Variants in IMPA1 observed in about 807,000 individuals in gnomAD.
The protein encoded by IMPA1 is inositol monophosphatase 1.
IMPA1 carries 21 observed loss-of-function variants against 34.9 expected under a neutral mutation model. The ratio of observed to expected loss-of-function variants is 0.60; its 90% CI spans 0.43 to 0.87. The LOEUF is 0.87. IMPA1 is among the 40% of genes least tolerant of loss of function. IMPA1 has a pLI of 0.00. For synonymous variants in IMPA1, 95 were observed against 104.4 expected (o/e 0.91, Z 0.55); for missense variants, 299 against 336.4 (o/e 0.89, Z 0.87).
chr8:81,681,423 A>G, intron 2 of IMPA1, 75 bp downstream of exon 2: 2 of 855,990 alleles, frequency 2.3e-6, no homozygotes, highest in Non-Finnish European at 3.9e-6. Context: ...CGAAACAAAC[A>G]AAACAAGGCA....
rs745955234 is a variant in IMPA1, at chr8:81,680,781, T to A, written c.66A>T (p.Val22=). Residue 22 remains valine (V), a splice_region_variant and synonymous_variant, in exon 3 of 9, where the codon GTA becomes GTT. Coordinates refer to ENST00000256108, the MANE Select transcript of IMPA1 (RefSeq NM_005536.4). The part of the protein sequence containing the change: ...AVTLARQAGE[V]VCEAIKNEMN... ...TTTCATTTTTTATAGCTTCACAAAC[T>A]ACCTAAAAAGAGGTTTTGGTAAGCA... 21 of 1,598,444 alleles carry A rather than the reference T, an allele frequency of 1.3e-5. No homozygotes were observed. In the South Asian group the frequency reaches 2.3e-4, roughly 18 times the overall value.
chr8:81,684,691 G>C (rs1807439925), intron 1 of IMPA1, among the ~76,000 whole-genome samples: 1 of 80,050 alleles, frequency 1.2e-5, no homozygotes, highest in African/African-American at 3.7e-5. Flanking sequence ...ACTATGTGGA[G>C]TATAAATACT....
chr8:81,679,503 C>T (rs1807228400), intron 3 of IMPA1, among the ~76,000 whole-genome samples: 1 of 151,608 alleles, frequency 6.6e-6, no homozygotes, highest in Admixed American at 6.6e-5. Context: ...ATCCCAGCAA[C>T]TTGGAAGGCT....
chr8:81,680,939 T>C (rs1184278434), intron 2 of IMPA1, among the ~76,000 whole-genome samples, 156 bp from the exon 3 acceptor site: 1 of 152,190 alleles, frequency 6.6e-6, no homozygotes, highest in African/African-American at 2.4e-5. Flanking sequence ...AATAAGCCTT[T>C]AATAGTTACG....
At chr8:81,686,092 G>A (rs1585908994) in intron 1 of IMPA1, 160 bp downstream of exon 1, 3 of 898,362 alleles carry the variant, frequency 3.3e-6, no homozygotes, top group South Asian at 2.6e-5. Context: ...GGGCAGCTCC[G>A]GATAACGCAG....
chr8:81,658,609 T>C lies in IMPA1; in HGVS notation c.*742A>G, dbSNP rs1293713696. The C allele has an allele frequency of 6.6e-6, 1 of 152,596 alleles. No homozygotes were observed. Among genetic ancestry groups the C allele is most frequent in the Non-Finnish European group, 1.5e-5 (1 of 68,008 alleles). 9.5% of individuals were successfully genotyped at this position (152,596 alleles called of 1,614,324 possible). A position where few individuals can be genotyped will look rare whatever the true frequency, so the allele number is the denominator to read the frequency against. The stretch of plus-strand genomic sequence containing the variant: ...CAGACAATTTAACTGTTTTGGAAAA[T>C]GTATTCACTGCAGAAATGCCCACAA... On this transcript the variant is annotated 3_prime_UTR_variant, in exon 9 of 9. Coordinates refer to ENST00000256108, the MANE Select transcript of IMPA1 (RefSeq NM_005536.4).
At chr8:81,663,723 T>C (rs1382614101) in intron 7 of IMPA1, among the ~76,000 whole-genome samples, 1 of 152,230 alleles carries the variant, frequency 6.6e-6, no homozygotes, top group Non-Finnish European at 1.5e-5. Context: ...TGATTTTTCA[T>C]ATAAACAACT....
At chr8:81,664,968 T>C (rs990074484) in intron 7 of IMPA1, among the ~76,000 whole-genome samples, 2 of 150,478 alleles carry the variant, frequency 1.3e-5, no homozygotes, top group African/African-American at 4.9e-5. Flanking sequence ...CAACTCTATC[T>C]ACAACCAGCA....
At chr8:81,678,241 G>A (rs1328857645) in intron 4 of IMPA1, among the ~76,000 whole-genome samples, 1 of 151,810 alleles carries the variant, frequency 6.6e-6, no homozygotes, top group Non-Finnish European at 1.5e-5. Context: ...CTGAGGAGAG[G>A]GGCCTCCTCT....
chr8:81,683,767 C>T (rs985629266), intron 1 of IMPA1, among the ~76,000 whole-genome samples: 6 of 129,120 alleles, frequency 4.6e-5, no homozygotes, highest in African/African-American at 2.0e-4. Flanking sequence ...TAGACAGCAA[C>T]TGAGGTCCTG....
In IMPA1 at chr8:81,680,705, G is replaced by A; in HGVS notation, c.142C>T (p.Gln48Ter). Residue 48 changes from glutamine (Q) to a stop codon, truncating the protein, a stop_gained, in exon 3 of 9, where the codon CAA becomes TAA. Transcript: ENST00000256108. LOFTEE classifies it high-confidence loss of function. ...SPVDLVTATD[Q>*]KVEKMLISSI... is the part of the protein sequence containing the mutation. ...GAGATAAGCATTTTTTCAACTTTTT[G>A]GTCCGTAGCAGTTACCAAATCAACT... The A allele has an allele frequency of 6.2e-7, 1 of 1,611,896 alleles. No homozygotes were observed. The highest frequency in any genetic ancestry group is 8.5e-7 in the Non-Finnish European group (1 of 1,178,724).
chr8:81,679,095 G>C (rs1309539553), intron 4 of IMPA1, 31 bp downstream of exon 4: 6 of 1,376,520 alleles, frequency 4.4e-6, no homozygotes, highest in Admixed American at 1.7e-5. Flanking sequence ...AATATGCAAA[G>C]AGTAATTATA....
At chr8:81,662,885 T>C (rs1264340741) in intron 7 of IMPA1, among the ~76,000 whole-genome samples, 2 of 152,318 alleles carry the variant, frequency 1.3e-5, no homozygotes, top group African/African-American at 4.8e-5. Flanking sequence ...ACAAAGGAAA[T>C]TGATCCAGAA....
Position 81,686,271 on chromosome 8 carries a change from G to T in IMPA1, c.-44C>A. ...TCTCACCTTGAGTCGGAGGACGTCC[G>T]GCTAGCTCTGTGAACGGTGTTACCG... On this transcript the variant is annotated 5_prime_UTR_variant, in exon 1 of 9. Coordinates refer to ENST00000256108, the MANE Select transcript of IMPA1 (RefSeq NM_005536.4). The T allele has an allele frequency of 1.0e-6, 1 of 999,834 alleles. No homozygotes were observed. The highest frequency in any genetic ancestry group is 1.2e-6 in the Non-Finnish European group (1 of 838,462). The allele number at this position is 999,834 out of a possible 1,614,324, so 61.9% of individuals were successfully genotyped here. A position where few individuals can be genotyped will look rare whatever the true frequency, so the allele number is the denominator to read the frequency against.
chr8:81,668,173 T>C (rs1011698262), intron 7 of IMPA1, among the ~76,000 whole-genome samples: 1 of 152,134 alleles, frequency 6.6e-6, no homozygotes, highest in Non-Finnish European at 1.5e-5. Flanking sequence ...TGAATTAGGG[T>C]ATCTGGCAGA....
At chr8:81,685,048 T>C in intron 1 of IMPA1, among the ~76,000 whole-genome samples, 1 of 135,368 alleles carries the variant, frequency 7.4e-6, no homozygotes, top group East Asian at 2.1e-4. Flanking sequence ...ATAGTATATA[T>C]ACTATACATA....
At chr8:81,683,966 G>A (rs1441633272) in intron 1 of IMPA1, among the ~76,000 whole-genome samples, 3 of 151,988 alleles carry the variant, frequency 2.0e-5, no homozygotes, top group Non-Finnish European at 2.9e-5. Flanking sequence ...TTGTGAAATG[G>A]AGGTCTTACG....
chr8:81,665,169 C>T (rs1806785838), intron 7 of IMPA1, among the ~76,000 whole-genome samples: 1 of 152,068 alleles, frequency 6.6e-6, no homozygotes, highest in Admixed American at 6.5e-5. Context: ...AGTCTCTCCC[C>T]CAAAACCAAC....
At chr8:81,682,576 C>G (rs1807331589) in intron 1 of IMPA1, among the ~76,000 whole-genome samples, 2 of 152,138 alleles carry the variant, frequency 1.3e-5, no homozygotes, top group African/African-American at 4.8e-5. Context: ...TTAAAGGAAG[C>G]CACTCTATGA....
Sources: gnomAD v4.1 joint callset for allele counts (sites outside exome capture counted in the v4.1 genomes callset) on GRCh38, gnomAD v4.1.1 for gene constraint, MANE v1.5 for transcripts, NCBI Gene and HGNC (gene_info 2026-07-23, HGNC 2026-07-21) for gene names.